The following ZMYND12 variants were observed in gnomAD, a reference collection of about 807,000 sequenced individuals.
The protein encoded by ZMYND12 is zinc finger MYND-type containing 12, also known as zinc finger MYND domain-containing protein 12.
In ZMYND12, 32 loss-of-function variants were observed where a neutral mutation model predicts 41.7. The ratio of observed to expected loss-of-function variants is 0.77; its 90% CI spans 0.58 to 1.03. The LOEUF is 1.03. Among genes scored for constraint, ZMYND12 ranks in the 50% least tolerant of loss-of-function variants. ZMYND12 has a pLI of 0.00. For missense variants in ZMYND12, 424 were observed against 438.5 expected, an observed-to-expected ratio of 0.97 and a Z score of 0.30; for synonymous variants, 148 against 164.8, an observed-to-expected ratio of 0.90 and a Z score of 0.78.
intron 4 of ZMYND12, among the ~76,000 whole-genome samples, chr1:42,438,416 A>AG (rs900900559): frequency 6.6e-6 from 1 of 152,182 alleles, no homozygotes; most frequent in African/African-American, 2.4e-5. Context: ...TGAAACAGCA[A>AG]GGGGAGGAAA....
intron 1 of ZMYND12, among the ~76,000 whole-genome samples, chr1:42,451,497 G>C (rs1403630791): frequency 6.6e-6 from 1 of 152,172 alleles, no homozygotes; most frequent in African/African-American, 2.4e-5. Context: ...TTTCTGTAAA[G>C]GGTCAGATAA....
At chr1:42,446,709 C>T (rs563846289) in intron 3 of ZMYND12, among the ~76,000 whole-genome samples, 4 of 151,748 alleles carry the variant, frequency 2.6e-5, no homozygotes, top group East Asian at 1.9e-4. Context: ...TGTGTGTATA[C>T]GTACACCCAT....
chr1:42,432,084 TC>T (rs1642859714), intron 7 of ZMYND12, among the ~76,000 whole-genome samples: 1 of 140,712 alleles, frequency 7.1e-6, no homozygotes. Context: ...TGAGACAGGA[TC>T]TTGCTCTGTC....
intron 3 of ZMYND12, among the ~76,000 whole-genome samples, chr1:42,440,730 C>T (rs945804066): frequency 1.3e-5 from 2 of 151,958 alleles, no homozygotes; most frequent in African/African-American, 2.4e-5. Flanking sequence ...AGTGTAGTGG[C>T]GCGATCTCGG....
chr1:42,449,836 T>C, intron 2 of ZMYND12, 82 bp downstream of exon 2: 3 of 1,528,704 alleles, frequency 2.0e-6, no homozygotes, highest in Non-Finnish European at 1.8e-6. Context: ...TACAATTTAG[T>C]GATCCCAACA....
chr1:42,443,744 C>A (rs1229724930), intron 3 of ZMYND12, among the ~76,000 whole-genome samples: 1 of 152,204 alleles, frequency 6.6e-6, no homozygotes, highest in Non-Finnish European at 1.5e-5. Flanking sequence ...CAACTTCATT[C>A]ATTCATTCAA....
chr1:42,431,520 A>G (rs975693213), intron 7 of ZMYND12, among the ~76,000 whole-genome samples: 4 of 152,206 alleles, frequency 2.6e-5, no homozygotes, highest in Admixed American at 6.5e-5. Context: ...TTAGACAGGG[A>G]GAGCAGGGAA....
At chr1:42,440,959 T>C (rs915331) in intron 3 of ZMYND12, among the ~76,000 whole-genome samples, 59,346 of 152,000 alleles carry the variant, frequency 0.39, 12,092 homozygotes, top group East Asian at 0.59. Flanking sequence ...TGAGACACTG[T>C]GTCTGGCCTT....
chr1:42,441,188 G>C (rs769823143), intron 3 of ZMYND12, among the ~76,000 whole-genome samples: 15 of 152,184 alleles, frequency 9.9e-5, no homozygotes, highest in Admixed American at 8.5e-4. Context: ...TAATTCTATA[G>C]ATGAGATGGA....
intron 5 of ZMYND12, 121 bp downstream of exon 5, chr1:42,436,300 C>T: frequency 1.4e-6 from 2 of 1,425,450 alleles, no homozygotes; most frequent in Non-Finnish European, 1.9e-6. Context: ...TTGGGCAAGC[C>T]ACTTCATCTC....
At position 42,455,972 on chromosome 1, in the gene ZMYND12, A is replaced by G; in HGVS notation, c.26T>C (p.Val9Ala). 6.2e-7 allele frequency: 1 copy of G among 1,613,288 alleles called. No individual in the cohort carries two copies. The highest frequency in any genetic ancestry group is 8.5e-7 in the Non-Finnish European group (1 of 1,179,974). MNVIYPLA[V>A]PKGRRLCCEV... ...ACAGCAGAGTCTGCGCCCCTTGGGGACTGCCAGTGGGTAGATCACATTCAT... is the reference window on the plus strand; with the variant it reads ...ACAGCAGAGTCTGCGCCCCTTGGGGGCTGCCAGTGGGTAGATCACATTCAT... Residue 9 changes from valine to alanine, a missense_variant, in exon 1 of 8, where the codon GTC becomes GCC. Physicochemically the swap from Val to Ala is moderately conservative, Grantham distance 64 (BLOSUM62 0). Transcript: ENST00000372565.
intron 3 of ZMYND12, among the ~76,000 whole-genome samples, chr1:42,445,530 T>C (rs1643015158): frequency 2.0e-5 from 3 of 150,466 alleles, no homozygotes; most frequent in Admixed American, 6.6e-5. Flanking sequence ...ACCTGAAAGA[T>C]GATAAGGAGT....
At chr1:42,445,449 A>AGG (rs758034393) in intron 3 of ZMYND12, among the ~76,000 whole-genome samples, 2 of 150,082 alleles carry the variant, frequency 1.3e-5, no homozygotes, top group African/African-American at 4.9e-5. Context: ...AAAAAAAAAA[A>AGG]GGGGAGACCC....
chr1:42,448,409 G>A, intron 3 of ZMYND12, 58 bp downstream of exon 3: 2 of 1,459,470 alleles, frequency 1.4e-6, no homozygotes, highest in Non-Finnish European at 1.8e-6. Flanking sequence ...GATCATTGGT[G>A]TGACCCAAAC....
At position 42,430,527 on chromosome 1, in the gene ZMYND12, AAC is replaced by A. The variant is rs2148402948; in HGVS notation, c.*207_*208del. 1.8e-6 allele frequency: 1 copy of A among 541,812 alleles called. No homozygotes were observed. Among genetic ancestry groups the A allele is most frequent in the Non-Finnish European group, 3.2e-6 (1 of 315,020 alleles). The allele number at this position is 541,812 out of a possible 1,614,324, so 33.6% of individuals were successfully genotyped here. A position where few individuals can be genotyped will look rare whatever the true frequency, so the allele number is the denominator to read the frequency against. ...TAAATCAAGTACAAAGGTCATGACA[AAC>A]ACAGTTTTTAGTGATTTCTATGCCT... On this transcript the variant is annotated 3_prime_UTR_variant, in exon 8 of 8. Coordinates refer to ENST00000372565, the MANE Select transcript of ZMYND12 (RefSeq NM_032257.5).
intron 3 of ZMYND12, among the ~76,000 whole-genome samples, chr1:42,440,304 T>G (rs1467088010): frequency 1.3e-5 from 2 of 152,166 alleles, no homozygotes; most frequent in East Asian, 3.8e-4. Context: ...TATTACTCAG[T>G]CATAAGAAGG....
chr1:42,453,649 G>A (rs915716885), intron 1 of ZMYND12, among the ~76,000 whole-genome samples: 1 of 152,182 alleles, frequency 6.6e-6, no homozygotes, highest in Non-Finnish European at 1.5e-5. Context: ...GGACAGGGGT[G>A]TTTTAAGGAA....
At chr1:42,441,370 C>T (rs1012183) in intron 3 of ZMYND12, among the ~76,000 whole-genome samples, 27,194 of 152,132 alleles carry the variant, frequency 0.18, 2,638 homozygotes, top group African/African-American at 0.24. Context: ...CTGCAGGGAA[C>T]TGGTTCCAGA....
chr1:42,437,787 T>A (rs1479267398), intron 4 of ZMYND12, among the ~76,000 whole-genome samples: 1 of 152,114 alleles, frequency 6.6e-6, no homozygotes. Flanking sequence ...GTTCAAGCAA[T>A]TCTCCTGCCT....
Sources: gnomAD v4.1 joint callset for allele counts (sites outside exome capture counted in the v4.1 genomes callset) on GRCh38, gnomAD v4.1.1 for gene constraint, MANE v1.5 for transcripts, NCBI Gene and HGNC (gene_info 2026-07-23, HGNC 2026-07-21) for gene names.